The following PTPRD variants were observed in gnomAD, a reference collection of about 807,000 sequenced individuals.
The protein encoded by PTPRD is protein tyrosine phosphatase receptor type D, also known as receptor-type tyrosine-protein phosphatase delta.
PTPRD carries 34 observed loss-of-function variants against 214.5 expected under a neutral mutation model. That is an observed-to-expected ratio of 0.16 (90% CI 0.12 to 0.21). The LOEUF (loss-of-function observed/expected upper bound fraction) is 0.21. Ranked by LOEUF, PTPRD falls within the 10% of genes least tolerant of loss-of-function variation. PTPRD has a pLI of 1.00. For missense variants in PTPRD, 2,545 were observed against 2,398.7 expected (o/e 1.06, Z -1.27); for synonymous variants, 1,128 against 845.7 (o/e 1.33, Z -5.79).
chr9:9,336,251 T>C (rs187477380), intron 9 of PTPRD, among the ~76,000 whole-genome samples: 140 of 152,196 alleles, frequency 9.2e-4, no homozygotes, highest in African/African-American at 3.4e-3. Context: ...GCTCTGATGT[T>C]ATCTCTGGAA....
At chr9:9,273,263 G>A (rs771557101) in intron 9 of PTPRD, among the ~76,000 whole-genome samples, 1 of 151,144 alleles carries the variant, frequency 6.6e-6, no homozygotes, top group Non-Finnish European at 1.5e-5. Flanking sequence ...GAACTATCAG[G>A]CATTTATTTT....
chr9:8,595,347 T>C (rs1397903499), intron 14 of PTPRD, among the ~76,000 whole-genome samples: 1 of 152,086 alleles, frequency 6.6e-6, no homozygotes, highest in Admixed American at 6.5e-5. Flanking sequence ...CAAAACCATA[T>C]AGCCAATCAA....
At chr9:8,963,505 A>G (rs2099169558) in intron 11 of PTPRD, among the ~76,000 whole-genome samples, 1 of 152,142 alleles carries the variant, frequency 6.6e-6, no homozygotes, top group Admixed American at 6.5e-5. Context: ...TTCCATGTCT[A>G]TTGAGATGAC....
At chr9:9,338,228 C>G (rs1160660050) in intron 9 of PTPRD, among the ~76,000 whole-genome samples, 1 of 152,160 alleles carries the variant, frequency 6.6e-6, no homozygotes. Flanking sequence ...CTTGCTGTAT[C>G]ATATTTAGAA....
intron 9 of PTPRD, among the ~76,000 whole-genome samples, chr9:9,369,920 T>C (rs2058979165): frequency 6.6e-6 from 1 of 152,296 alleles, no homozygotes. Flanking sequence ...CAGATAGTTG[T>C]AGATACGCGG....
At chr9:8,783,900 A>G (rs2095838459) in intron 11 of PTPRD, among the ~76,000 whole-genome samples, 1 of 152,196 alleles carries the variant, frequency 6.6e-6, no homozygotes, top group Admixed American at 6.5e-5. Flanking sequence ...CTACCCCTTC[A>G]GTGCTATACA....
In PTPRD at chr9:9,269,778, T is replaced by C. The variant is rs1243774666; in HGVS notation, c.-202-86415A>G. 2.6e-5 allele frequency among the ~76,000 whole-genome samples: 4 copies of C among 151,266 alleles called. No individual in the cohort carries two copies. In the East Asian group the frequency reaches 5.9e-4, roughly 22 times the overall value. On this transcript the variant is annotated intron_variant, in intron 9 of 45. Coordinates refer to ENST00000381196, the MANE Select transcript of PTPRD (RefSeq NM_002839.4). ...ACATAGAAAGAAAAATACTGCATGA[T>C]TCCACTTATACATGCAATCTAAAAA...
intron 3 of PTPRD, among the ~76,000 whole-genome samples, chr9:10,311,369 C>T (rs1044531729): frequency 6.6e-6 from 1 of 151,894 alleles, no homozygotes; most frequent in Non-Finnish European, 1.5e-5. Context: ...AAAATCTAAA[C>T]AAAAATGCAA....
At chr9:9,598,560 ACTACTATAGAC>A (rs1481294956) in intron 7 of PTPRD, among the ~76,000 whole-genome samples, 1 of 152,180 alleles carries the variant, frequency 6.6e-6, no homozygotes, top group South Asian at 2.1e-4. Context: ...TGAAGAAGCA[ACTACTATAGAC>A]CTACTATAGA....
intron 14 of PTPRD, among the ~76,000 whole-genome samples, chr9:8,631,923 G>C (rs1408782560): frequency 6.6e-6 from 1 of 151,840 alleles, no homozygotes; most frequent in Non-Finnish European, 1.5e-5. Flanking sequence ...CACCAACCTA[G>C]CTTGTCATAA....
intron 9 of PTPRD, among the ~76,000 whole-genome samples, chr9:9,317,214 G>A (rs1275669996): frequency 6.6e-6 from 1 of 151,968 alleles, no homozygotes; most frequent in Admixed American, 6.6e-5. Context: ...CACACTACAG[G>A]CTTTCCAAGA....
At chr9:9,513,804 G>T (rs1032814433) in intron 8 of PTPRD, among the ~76,000 whole-genome samples, 1 of 151,906 alleles carries the variant, frequency 6.6e-6, no homozygotes, top group African/African-American at 2.4e-5. Context: ...TCATTGAAAG[G>T]GCAAAACTCT....
chr9:9,992,896 A>G (rs1353153935), intron 4 of PTPRD, among the ~76,000 whole-genome samples: 1 of 152,140 alleles, frequency 6.6e-6, no homozygotes, highest in African/African-American at 2.4e-5. Context: ...ACATGTATAC[A>G]TATGTTACAA....
At chr9:8,564,178 G>C (rs999251543) in intron 14 of PTPRD, among the ~76,000 whole-genome samples, 1 of 152,064 alleles carries the variant, frequency 6.6e-6, no homozygotes, top group East Asian at 1.9e-4. Flanking sequence ...TGTGTTTCCT[G>C]ATTATTTTTT....
intron 12 of PTPRD, among the ~76,000 whole-genome samples, chr9:8,658,629 A>G (rs1409283833): frequency 6.6e-6 from 1 of 151,240 alleles, no homozygotes; most frequent in Non-Finnish European, 1.5e-5. Context: ...CCCCATAATT[A>G]GTTTTGCAAT....
chr9:10,055,729 G>T (rs62537260), intron 3 of PTPRD, among the ~76,000 whole-genome samples: 241 of 151,902 alleles, frequency 1.6e-3, no homozygotes, highest in Non-Finnish European at 2.2e-3. Flanking sequence ...TGCAAAGAGG[G>T]CTGCACCCAG....
At chr9:10,233,395 G>A (rs1024862856) in intron 3 of PTPRD, among the ~76,000 whole-genome samples, 1 of 151,920 alleles carries the variant, frequency 6.6e-6, no homozygotes, top group Non-Finnish European at 1.5e-5. Context: ...GGCTAAAGAG[G>A]CGGATGTTTT....
At chr9:8,609,699 A>G (rs1437161264) in intron 14 of PTPRD, among the ~76,000 whole-genome samples, 1 of 151,646 alleles carries the variant, frequency 6.6e-6, no homozygotes, top group Non-Finnish European at 1.5e-5. Flanking sequence ...ATTTAACTCA[A>G]GTTTATTTTT....
chr9:8,810,307 A>G (rs536360491), intron 11 of PTPRD, among the ~76,000 whole-genome samples: 1 of 152,162 alleles, frequency 6.6e-6, no homozygotes, highest in Non-Finnish European at 1.5e-5. Context: ...TGGCTTTGAG[A>G]TGATGTTACC....
Sources: allele counts gnomAD v4.1 joint callset (sites outside exome capture counted in the v4.1 genomes callset), GRCh38; gene constraint gnomAD v4.1.1; transcripts MANE v1.5; gene names NCBI Gene and HGNC (gene_info 2026-07-23, HGNC 2026-07-21).